WNT2: variants seen among roughly 807,000 people sequenced by gnomAD.
WNT2 encodes the protein protein Wnt-2.
WNT2 carries 12 observed loss-of-function variants against 36.9 expected under a neutral mutation model. The observed-to-expected ratio is 0.33, with a 90% CI of 0.21 to 0.53. The LOEUF (loss-of-function observed/expected upper bound fraction) is 0.53. Ranked by LOEUF, WNT2 falls within the 20% of genes least tolerant of loss-of-function variation. WNT2 has a pLI of 0.95. For missense variants in WNT2, 379 were observed against 473.1 expected, an observed-to-expected ratio of 0.80 and a Z score of 1.84; for synonymous variants, 163 against 174.6, an observed-to-expected ratio of 0.93 and a Z score of 0.52.
chr7:117,282,848 C>T (rs940806787), intron 4 of WNT2, among the ~76,000 whole-genome samples: 4 of 152,142 alleles, frequency 2.6e-5, no homozygotes, highest in African/African-American at 9.7e-5. Context: ...AATACAGACT[C>T]TGGGCAGGAC....
At chr7:117,279,149 A>C (rs1794436465) in intron 4 of WNT2, among the ~76,000 whole-genome samples, 2 of 152,252 alleles carry the variant, frequency 1.3e-5, no homozygotes, top group African/African-American at 2.4e-5. Flanking sequence ...ATGTTTGCTA[A>C]ATGGCAATCC....
Position 117,322,246 on chromosome 7 carries a change from C to T in WNT2, c.83+661G>A, listed in dbSNP as rs1795343675. The T allele has an allele frequency of 6.6e-6, 1 of 152,134 alleles. No homozygotes were observed. The highest frequency in any genetic ancestry group is 1.5e-5 in the Non-Finnish European group (1 of 68,082). 9.4% of individuals were successfully genotyped at this position (152,134 alleles called of 1,614,324 possible). ...CAGACCAACGTACAAAGGAAAGCAG[C>T]AAAGTTACTCTTCGCGGGGACGGTT... is the stretch of plus-strand genomic sequence containing the variant. On this transcript the variant is annotated intron_variant, in intron 1 of 4. Coordinates refer to ENST00000265441, the MANE Select transcript of WNT2 (RefSeq NM_003391.3). The surrounding 1 kb of genome is among the most constrained non-coding windows in gnomAD (Gnocchi z 5.4).
chr7:117,289,929 G>A (rs1794656477), intron 4 of WNT2, among the ~76,000 whole-genome samples: 1 of 152,320 alleles, frequency 6.6e-6, no homozygotes, highest in South Asian at 2.1e-4. Flanking sequence ...AGGTGACAAG[G>A]AAGGAGTGTA....
chr7:117,292,791 G>GT, intron 4 of WNT2, among the ~76,000 whole-genome samples: 1 of 152,250 alleles, frequency 6.6e-6, no homozygotes, highest in Non-Finnish European at 1.5e-5. Context: ...GGTGGGAGAT[G>GT]TTTTTTGGGA....
chr7:117,288,241 CTTAA>C (rs1225915285), intron 4 of WNT2, among the ~76,000 whole-genome samples: 3 of 152,148 alleles, frequency 2.0e-5, no homozygotes, highest in African/African-American at 7.2e-5. Context: ...TTATTGCAAA[CTTAA>C]TTAAACTTAA....
At chr7:117,309,238 A>C (rs551577813) in intron 3 of WNT2, among the ~76,000 whole-genome samples, 1 of 152,266 alleles carries the variant, frequency 6.6e-6, no homozygotes, top group African/African-American at 2.4e-5. Context: ...CTTGCTTGTA[A>C]AGTTTTACTT....
At chr7:117,306,612 G>T (rs375160129) in intron 3 of WNT2, among the ~76,000 whole-genome samples, 1 of 152,088 alleles carries the variant, frequency 6.6e-6, no homozygotes, top group East Asian at 1.9e-4. Flanking sequence ...GCAGGTCGCT[G>T]TCAAGATTCC....
At chr7:117,314,805 G>T (rs1795183420) in intron 3 of WNT2, among the ~76,000 whole-genome samples, 1 of 152,182 alleles carries the variant, frequency 6.6e-6, no homozygotes, top group South Asian at 2.1e-4. Context: ...TGTCCAGAGA[G>T]ACCATAAAAG....
chr7:117,310,395 T>C (rs189688697), intron 3 of WNT2, among the ~76,000 whole-genome samples: 65 of 151,504 alleles, frequency 4.3e-4, no homozygotes, highest in African/African-American at 1.5e-3. Context: ...CGAAACCTCA[T>C]CTCTACCAAA....
At position 117,278,053 on chromosome 7, in the gene WNT2, C is replaced by A; in HGVS notation, c.*102G>T. On this transcript the variant is annotated 3_prime_UTR_variant, in exon 5 of 5. Coordinates refer to ENST00000265441, the MANE Select transcript of WNT2 (RefSeq NM_003391.3). ...CTTCCGTTGAGATAAAGGCCACATGCCTTAGGAAATATCCCCCCAGAAAGA... is the reference window on the plus strand; with the variant it reads ...CTTCCGTTGAGATAAAGGCCACATGACTTAGGAAATATCCCCCCAGAAAGA... 7.3e-7 allele frequency: 1 copy of A among 1,368,414 alleles called. No homozygotes were observed. Among genetic ancestry groups the A allele is most frequent in the Non-Finnish European group, 1.0e-6 (1 of 983,128 alleles). The allele number at this position is 1,368,414 out of a possible 1,614,324, so 84.8% of individuals were successfully genotyped here.
chr7:117,282,530 C>T (rs1399838731), intron 4 of WNT2, among the ~76,000 whole-genome samples: 4 of 152,034 alleles, frequency 2.6e-5, no homozygotes, highest in South Asian at 4.2e-4. Flanking sequence ...GCAATGGTGG[C>T]ATGTGCCAAG....
At chr7:117,291,817 G>C (rs1794694349) in intron 4 of WNT2, among the ~76,000 whole-genome samples, 1 of 151,908 alleles carries the variant, frequency 6.6e-6, no homozygotes, top group African/African-American at 2.4e-5. Flanking sequence ...CACTCTTGCT[G>C]CCCAGGCTGG....
At chr7:117,316,926 C>T (rs942630274) in intron 2 of WNT2, among the ~76,000 whole-genome samples, 1 of 152,212 alleles carries the variant, frequency 6.6e-6, no homozygotes, top group African/African-American at 2.4e-5. Flanking sequence ...GCGACTAATA[C>T]ATGCTAATGT....
chr7:117,322,451 A>C lies in WNT2; in HGVS notation c.83+456T>G, dbSNP rs1795347638. ...AGGTTCTACAACTCCTGACTGGCTGAATTGGCCCGTCGATTTACCTTGAGG... is the reference window on the plus strand; with the variant it reads ...AGGTTCTACAACTCCTGACTGGCTGCATTGGCCCGTCGATTTACCTTGAGG... On this transcript the variant is annotated intron_variant, in intron 1 of 4. Transcript: ENST00000265441. This position sits in a 1 kb window ranked among gnomAD's most constrained non-coding sequence, Gnocchi z 5.4. Among the ~76,000 whole-genome samples the C allele has an allele frequency of 6.7e-6, 1 of 149,872 alleles. No homozygotes were observed. Among genetic ancestry groups the C allele is most frequent in the Non-Finnish European group, 1.5e-5 (1 of 67,624 alleles).
Position 117,322,859 on chromosome 7 carries a change from C to A in WNT2, c.83+48G>T. ...GAAGGGTCTATGTGGCCAATGCGGT[C>A]CCCATTCCGATCTCCAAAATCCCCC... On this transcript the variant is annotated intron_variant, in intron 1 of 4. Coordinates refer to ENST00000265441, the MANE Select transcript of WNT2 (RefSeq NM_003391.3). This position sits in a 1 kb window ranked among gnomAD's most constrained non-coding sequence, Gnocchi z 5.4. 1 of 1,585,092 alleles carries A rather than the reference C, an allele frequency of 6.3e-7. No individual in the cohort carries two copies. The highest frequency in any genetic ancestry group is 8.6e-7 in the Non-Finnish European group (1 of 1,160,124).
intron 3 of WNT2, among the ~76,000 whole-genome samples, chr7:117,309,874 A>T (rs1795089234): frequency 1.3e-5 from 2 of 152,182 alleles, no homozygotes; most frequent in African/African-American, 4.8e-5. Context: ...AGCTTTCTAT[A>T]TCAGTACTTA....
chr7:117,278,372 G>C lies in WNT2; in HGVS notation c.866C>G (p.Thr289Arg). Residue 289 changes from threonine (T) to arginine (R), a missense_variant, in exon 5 of 5, where the codon ACA becomes AGA. Coordinates refer to ENST00000265441, the MANE Select transcript of WNT2 (RefSeq NM_003391.3). The part of the protein sequence containing the change: ...IRDREAGSLG[T>R]AGRVCNLTSR... ...AGTCAGGTTGCACACACGGCCTGCT[G>C]TACCCAGGGAGCCTGGAAGACAAGC... is the stretch of plus-strand genomic sequence containing the variant. The C allele has an allele frequency of 1.9e-6, 3 of 1,613,572 alleles. No individual in the cohort carries two copies. Among genetic ancestry groups the C allele is most frequent in the Non-Finnish European group, 2.5e-6 (3 of 1,179,768 alleles).
chr7:117,315,411 T>C lies in WNT2; in HGVS notation c.311-63A>G, dbSNP rs986199946. ...GCACTATTTCTGAATAACTTTCATA[T>C]GACAATTGTTTAATATTTGCTCTGT... On this transcript the variant is annotated intron_variant, in intron 2 of 4. Transcript: ENST00000265441. The C allele has an allele frequency of 8.0e-6, 12 of 1,498,014 alleles. No individual in the cohort carries two copies. The Admixed American group carries it at 1.5e-4, about 19-fold the overall frequency. The allele number at this position is 1,498,014 out of a possible 1,614,324, so 92.8% of individuals were successfully genotyped here. A position where few individuals can be genotyped will look rare whatever the true frequency, so the allele number is the denominator to read the frequency against.
chr7:117,283,949 A>C, intron 4 of WNT2, among the ~76,000 whole-genome samples: 1 of 152,170 alleles, frequency 6.6e-6, no homozygotes, highest in East Asian at 1.9e-4. Context: ...TGGAGCTGTG[A>C]CGGGCCCCCA....
Sources: gnomAD v4.1 joint callset for allele counts (sites outside exome capture counted in the v4.1 genomes callset) on GRCh38, gnomAD v4.1.1 for gene constraint, Gnocchi (gnomAD v3.1) non-coding constraint, MANE v1.5 for transcripts, NCBI Gene and HGNC (gene_info 2026-07-23, HGNC 2026-07-21) for gene names.